Variants in TNFSF18 observed in about 807,000 individuals in gnomAD.
TNFSF18 encodes TNF superfamily member 18.
Under a neutral mutation model 9.6 loss-of-function variants are expected in TNFSF18, and 6 were observed. The ratio of observed to expected loss-of-function variants is 0.63; its 90% CI spans 0.34 to 1.24. The LOEUF (loss-of-function observed/expected upper bound fraction) is 1.24. Ranked by LOEUF, TNFSF18 falls within the 50% of genes most tolerant of loss-of-function variation. The pLI, the probability that TNFSF18 is intolerant of heterozygous loss-of-function variation, is 0.03. For synonymous variants in TNFSF18, 68 were observed against 71.7 expected, an observed-to-expected ratio of 0.95 and a Z score of 0.26; for missense variants, 210 against 201.0, an observed-to-expected ratio of 1.04 and a Z score of -0.27.
rs1314701391 is a variant in TNFSF18, at chr1:173,039,772, A to G, written c.*1595T>C. ...CACACACACACACACACACATATGT[A>G]TGACACACTTTAATTTCCTGAGAAG... On this transcript the variant is annotated 3_prime_UTR_variant, in exon 3 of 3. Transcript: ENST00000404377. Among the ~76,000 whole-genome samples, 1 of 151,644 alleles carries G rather than the reference A, an allele frequency of 6.6e-6. No individual in the cohort carries two copies. The highest frequency in any genetic ancestry group is 1.5e-5 in the Non-Finnish European group (1 of 67,842).
At position 173,043,382 on chromosome 1, in the gene TNFSF18, A is replaced by G. The variant is rs763247578; in HGVS notation, c.187+557T>C. On this transcript the variant is annotated intron_variant, in intron 2 of 2. Transcript: ENST00000404377. ...AATTTTCCATGTATTCTAAGAATCT[A>G]AGGCTCAGTGTAACTGTAAACTGGT... Among the ~76,000 whole-genome samples the G allele has an allele frequency of 4.6e-5, 7 of 152,174 alleles. No individual in the cohort carries two copies. The South Asian group carries it at 1.0e-3, about 22-fold the overall frequency.
chr1:173,041,761 A>C (rs1331080583), intron 2 of TNFSF18, 48 bp from the exon 3 acceptor site: 1 of 1,472,192 alleles, frequency 6.8e-7, no homozygotes, highest in African/African-American at 1.4e-5. Context: ...TAGTTATTTC[A>C]TTATTTCATC....
At chr1:173,044,263 C>G (rs944212825) in intron 1 of TNFSF18, among the ~76,000 whole-genome samples, 4 of 151,790 alleles carry the variant, frequency 2.6e-5, no homozygotes, top group African/African-American at 9.7e-5. Context: ...GGACCCCCCC[C>G]CCAACCTTGG....
chr1:173,046,552 A>T (rs1665087559), intron 1 of TNFSF18, among the ~76,000 whole-genome samples: 1 of 152,200 alleles, frequency 6.6e-6, no homozygotes, highest in South Asian at 2.1e-4. Context: ...AAATAAATGC[A>T]TTCACCACGT....
At chr1:173,046,876 T>A (rs929370750) in intron 1 of TNFSF18, among the ~76,000 whole-genome samples, 1 of 136,056 alleles carries the variant, frequency 7.3e-6, no homozygotes, top group African/African-American at 2.6e-5. Flanking sequence ...TACACTTGTT[T>A]TTTTTTGTTG....
intron 1 of TNFSF18, 31 bp from the exon 2 acceptor site, chr1:173,044,000 G>T (rs939946039): frequency 6.9e-6 from 11 of 1,602,440 alleles, no homozygotes; most frequent in African/African-American, 4.0e-5. Flanking sequence ...GAATTGATTA[G>T]GATGATGACA....
Position 173,041,322 on chromosome 1 carries a change from C to A in TNFSF18, c.*45G>T, listed in dbSNP as rs1307687469. The A allele has an allele frequency of 2.1e-6, 3 of 1,437,034 alleles. No individual in the cohort carries two copies. The highest frequency in any genetic ancestry group is 2.3e-5 in the East Asian group (1 of 43,510). 89.0% of individuals were successfully genotyped at this position (1,437,034 alleles called of 1,614,324 possible). On this transcript the variant is annotated 3_prime_UTR_variant, in exon 3 of 3. Transcript: ENST00000404377. ...CTTCTCCCTCCAATCCACCCACTGGCACCTCTACATGTGCTGAAGGGAATG... is the reference window on the plus strand; with the variant it reads ...CTTCTCCCTCCAATCCACCCACTGGAACCTCTACATGTGCTGAAGGGAATG...
chr1:173,050,565 T>C (rs1015846119), intron 1 of TNFSF18, among the ~76,000 whole-genome samples, 176 bp downstream of exon 1: 2 of 152,202 alleles, frequency 1.3e-5, no homozygotes, highest in South Asian at 4.1e-4. Flanking sequence ...TCAAAACCTT[T>C]AGATAAACTT....
intron 1 of TNFSF18, 110 bp from the exon 2 acceptor site, chr1:173,044,079 C>A: frequency 1.9e-6 from 2 of 1,034,520 alleles, no homozygotes; most frequent in African/African-American, 3.2e-5. Flanking sequence ...TGTTCTATAA[C>A]CATAAAAAAA....
chr1:173,046,907 TTTTGAGACAGGG>T (rs1665094033), intron 1 of TNFSF18, among the ~76,000 whole-genome samples: 14 of 151,824 alleles, frequency 9.2e-5, no homozygotes, highest in African/African-American at 3.4e-4. Context: ...TGTTGTTGTT[TTTTGAGACAGGG>T]TCTCATTCCG....
Position 173,050,867 on chromosome 1 carries a change from A to C in TNFSF18, c.30T>G (p.Pro10=), listed in dbSNP as rs957840873. The C allele has an allele frequency of 1.9e-6, 3 of 1,613,878 alleles. No individual in the cohort carries two copies. The highest frequency in any genetic ancestry group is 2.5e-6 in the Non-Finnish European group (3 of 1,179,802). Residue 10 remains proline, a synonymous_variant, in exon 1 of 3, where the codon CCT becomes CCG. Coordinates refer to ENST00000404377, the MANE Select transcript of TNFSF18 (RefSeq NM_005092.4). MCLSHLENM[P]LSHSRTQGAQ... is the part of the protein sequence containing the mutation. Reference sequence around the variant, plus strand: ...CTCCTTGAGTTCTTGAATGGCTTAAAGGCATATTTTCCAAGTGGCTCAAAC... The same window carrying C: ...CTCCTTGAGTTCTTGAATGGCTTAACGGCATATTTTCCAAGTGGCTCAAAC...
chr1:173,048,072 G>A (rs1196033391), intron 1 of TNFSF18, among the ~76,000 whole-genome samples: 5 of 151,910 alleles, frequency 3.3e-5, no homozygotes, highest in African/African-American at 9.7e-5. Context: ...AAATTAGGTT[G>A]CTCATTTTGC....
rs963523664 is a variant in TNFSF18, at chr1:173,041,481, A to G, written c.420T>C (p.Tyr140=). Residue 140 remains tyrosine (Y), a synonymous_variant, in exon 3 of 3, where the codon TAT becomes TAC. Coordinates refer to ENST00000404377, the MANE Select transcript of TNFSF18 (RefSeq NM_005092.4). ...CTATGGTGTCCCCAACATGCAATTC[A>G]TAAGTCCCTCCTACATTTTGGATTT... is the stretch of plus-strand genomic sequence containing the variant. ...KSKIQNVGGT[Y]ELHVGDTIDL... 4 of 1,613,612 alleles carry G rather than the reference A, an allele frequency of 2.5e-6. No homozygotes were observed. Among genetic ancestry groups the G allele is most frequent in the Admixed American group, 1.7e-5 (1 of 59,938 alleles).
intron 1 of TNFSF18, among the ~76,000 whole-genome samples, chr1:173,050,120 AT>A (rs1665145850): frequency 6.6e-6 from 1 of 152,160 alleles, no homozygotes; most frequent in Admixed American, 6.6e-5. Flanking sequence ...TGATCATGAC[AT>A]TTTATAGCTA....
At chr1:173,041,819 T>TACGGCG in intron 2 of TNFSF18, 106 bp from the exon 3 acceptor site, 1 of 949,792 alleles carries the variant, frequency 1.1e-6, no homozygotes, top group Non-Finnish European at 1.5e-6. Context: ...GTTGTTTCTT[T>TACGGCG]ACCTGATCTA....
At chr1:173,047,049 A>T (rs6681724) in intron 1 of TNFSF18, among the ~76,000 whole-genome samples, 43,470 of 151,780 alleles carry the variant, frequency 0.29, 7,363 homozygotes, top group East Asian at 0.78. Context: ...CATGCCACCA[A>T]GCCCAGCTAT....
rs1664981380 is a variant in TNFSF18, at chr1:173,041,091, A to G, written c.*276T>C. 2 of 294,100 alleles carry G rather than the reference A, an allele frequency of 6.8e-6. No homozygotes were observed. Among genetic ancestry groups the G allele is most frequent in the Non-Finnish European group, 1.2e-5 (2 of 160,658 alleles). The allele number at this position is 294,100 out of a possible 1,614,324, so 18.2% of individuals were successfully genotyped here. A position where few individuals can be genotyped will look rare whatever the true frequency, so the allele number is the denominator to read the frequency against. ...TTCCACTCATGAATTCAAGAATTAGATAAAGATTCTTTGAAAAGCACATGT... is the reference window on the plus strand; with the variant it reads ...TTCCACTCATGAATTCAAGAATTAGGTAAAGATTCTTTGAAAAGCACATGT... On this transcript the variant is annotated 3_prime_UTR_variant, in exon 3 of 3. Transcript: ENST00000404377.
intron 1 of TNFSF18, among the ~76,000 whole-genome samples, chr1:173,044,258 C>T (rs1665037739): frequency 6.6e-6 from 1 of 151,432 alleles, no homozygotes; most frequent in Non-Finnish European, 1.5e-5. Context: ...ATATCGGACC[C>T]CCCCCCCAAC....
rs1557844009 is a variant in TNFSF18, at chr1:173,039,765, C to CAT, written c.*1600_*1601dup. On this transcript the variant is annotated 3_prime_UTR_variant, in exon 3 of 3. Coordinates refer to ENST00000404377, the MANE Select transcript of TNFSF18 (RefSeq NM_005092.4). ...ACACACACACACACACACACACACA[C>CAT]ATATGTATGACACACTTTAATTTCC... 6.6e-6 allele frequency among the ~76,000 whole-genome samples: 1 copy of CAT among 150,870 alleles called. No homozygotes were observed.
Sources: allele counts gnomAD v4.1 joint callset (sites outside exome capture counted in the v4.1 genomes callset), GRCh38; gene constraint gnomAD v4.1.1; transcripts MANE v1.5; gene names NCBI Gene and HGNC (gene_info 2026-07-23, HGNC 2026-07-21).